DYM: variants seen among roughly 807,000 people sequenced by gnomAD.
The protein encoded by DYM is dyggve-Melchior-Clausen syndrome protein.
A neutral mutation model predicts 93.1 loss-of-function variants in DYM; 78 were observed. The ratio of observed to expected loss-of-function variants is 0.84; its 90% CI spans 0.70 to 1.01. The LOEUF (loss-of-function observed/expected upper bound fraction) is 1.01, where lower values mean the gene tolerates loss of function less well. Ranked by LOEUF, DYM falls within the 50% of genes least tolerant of loss-of-function variation. DYM has a pLI of 0.00. For synonymous variants in DYM, 321 were observed against 319.7 expected (o/e 1.00, Z -0.04); for missense variants, 789 against 845.0 (o/e 0.93, Z 0.82).
At chr18:49,218,846 C>T (rs1264464257) in intron 13 of DYM, among the ~76,000 whole-genome samples, 1 of 152,076 alleles carries the variant, frequency 6.6e-6, no homozygotes, top group African/African-American at 2.4e-5. Context: ...ATTAAAAGAA[C>T]TAGAGAAGCA....
intron 11 of DYM, among the ~76,000 whole-genome samples, chr18:49,263,374 C>G (rs941363779): frequency 1.3e-5 from 2 of 151,424 alleles, no homozygotes; most frequent in Non-Finnish European, 2.9e-5. Context: ...CCACCTCAGC[C>G]TCCCAAAGTG....
In DYM at chr18:49,211,722, C is replaced by T. The variant is rs894319159; in HGVS notation, c.1461-2007G>A. ...GAATGATGTACACACAATCTCTACC[C>T]TTAGGGAGCTTACAACCTAGAGCAG... On this transcript the variant is annotated intron_variant, in intron 13 of 17. Coordinates refer to ENST00000675505, the MANE Select transcript of DYM (RefSeq NM_001353214.3). 3.3e-5 allele frequency among the ~76,000 whole-genome samples: 5 copies of T among 152,250 alleles called. No individual in the cohort carries two copies. In the East Asian group the frequency reaches 9.6e-4, roughly 29 times the overall value.
intron 17 of DYM, among the ~76,000 whole-genome samples, chr18:49,067,073 G>A (rs547166407): frequency 6.6e-6 from 1 of 151,744 alleles, no homozygotes; most frequent in South Asian, 2.1e-4. Flanking sequence ...AATAAATGGT[G>A]TAGATAATGA....
intron 2 of DYM, among the ~76,000 whole-genome samples, chr18:49,421,466 G>A (rs1765693566): frequency 6.6e-6 from 1 of 152,076 alleles, no homozygotes; most frequent in South Asian, 2.1e-4. Flanking sequence ...CTAACAAACA[G>A]AAAGGACATC....
intron 8 of DYM, among the ~76,000 whole-genome samples, chr18:49,323,054 G>A (rs2062612808): frequency 6.6e-6 from 1 of 152,154 alleles, no homozygotes; most frequent in Admixed American, 6.5e-5. Context: ...CCCATAGCTA[G>A]ATCCTCCAAA....
intron 13 of DYM, among the ~76,000 whole-genome samples, chr18:49,224,789 C>G (rs2093473043): frequency 6.6e-6 from 1 of 152,022 alleles, no homozygotes; most frequent in South Asian, 2.1e-4. Flanking sequence ...CCAGTATATG[C>G]TATTTTGTTA....
At position 49,430,499 on chromosome 18, in the gene DYM, T is replaced by C. The variant is rs552986090; in HGVS notation, c.-53-52A>G. 17 of 1,355,488 alleles carry C rather than the reference T, an allele frequency of 1.3e-5. No individual in the cohort carries two copies. In the African/African-American group the frequency reaches 2.3e-4, roughly 19 times the overall value. The allele number at this position is 1,355,488 out of a possible 1,614,324, so 84.0% of individuals were successfully genotyped here. A position where few individuals can be genotyped will look rare whatever the true frequency, so the allele number is the denominator to read the frequency against. On this transcript the variant is annotated intron_variant, in intron 1 of 17. Transcript: ENST00000675505. ...AAACTTGTTCAAAAGTCATCATGCTTTGTCTACCTATAAAAAAACTATAAA... is the reference window on the plus strand; with the variant it reads ...AAACTTGTTCAAAAGTCATCATGCTCTGTCTACCTATAAAAAAACTATAAA...
chr18:49,398,155 T>C (rs2070347030), intron 2 of DYM, among the ~76,000 whole-genome samples: 1 of 152,234 alleles, frequency 6.6e-6, no homozygotes, highest in African/African-American at 2.4e-5. Flanking sequence ...GGACTGACTT[T>C]TTTTAACAAA....
chr18:49,176,483 T>C (rs1271037840), intron 14 of DYM, among the ~76,000 whole-genome samples: 1 of 151,536 alleles, frequency 6.6e-6, no homozygotes, highest in Admixed American at 6.6e-5. Flanking sequence ...CAATCATAGC[T>C]CATGACAGCC....
chr18:49,160,612 A>G (rs1405422880), intron 15 of DYM, among the ~76,000 whole-genome samples: 2 of 149,878 alleles, frequency 1.3e-5, no homozygotes, highest in African/African-American at 4.9e-5. Context: ...CTAGGAATCC[A>G]CTGCTGCATT....
At chr18:49,265,924 A>G (rs2094562857) in intron 11 of DYM, among the ~76,000 whole-genome samples, 2 of 152,180 alleles carry the variant, frequency 1.3e-5, no homozygotes, top group Admixed American at 1.3e-4. Context: ...AACACATCCA[A>G]TGAAACCAGT....
intron 15 of DYM, among the ~76,000 whole-genome samples, chr18:49,127,903 A>G (rs941417407): frequency 6.6e-6 from 1 of 152,154 alleles, no homozygotes; most frequent in Admixed American, 6.5e-5. Context: ...GGAGGCGGTG[A>G]GCAGACAGCA....
At chr18:49,282,528 G>A (rs1288025874) in intron 9 of DYM, among the ~76,000 whole-genome samples, 1 of 152,166 alleles carries the variant, frequency 6.6e-6, no homozygotes, top group African/African-American at 2.4e-5. Context: ...CAGGAGAATC[G>A]CTTGAACCTG....
At chr18:49,386,549 G>A (rs1283609375) in intron 3 of DYM, among the ~76,000 whole-genome samples, 1 of 152,092 alleles carries the variant, frequency 6.6e-6, no homozygotes, top group Admixed American at 6.5e-5. Context: ...ATTGAGGAAC[G>A]TTTTGGAAAA....
chr18:49,288,888 T>C (rs532077058), intron 8 of DYM, among the ~76,000 whole-genome samples: 2 of 152,310 alleles, frequency 1.3e-5, no homozygotes, highest in African/African-American at 4.8e-5. Context: ...TTATGTGATA[T>C]TTTGTAATAC....
chr18:49,120,398 G>A (rs768837029), intron 15 of DYM, among the ~76,000 whole-genome samples: 18 of 152,200 alleles, frequency 1.2e-4, no homozygotes, highest in East Asian at 3.9e-4. Flanking sequence ...CTACACAAAC[G>A]TAAGTCAAAA....
intron 6 of DYM, among the ~76,000 whole-genome samples, chr18:49,347,462 T>G (rs1037402119): frequency 6.6e-6 from 1 of 152,054 alleles, no homozygotes; most frequent in Admixed American, 6.5e-5. Flanking sequence ...AAAAACGAAG[T>G]TACCCTAATC....
chr18:49,181,806 A>G (rs1426066814), intron 14 of DYM, among the ~76,000 whole-genome samples: 3 of 152,134 alleles, frequency 2.0e-5, no homozygotes, highest in Admixed American at 6.6e-5. Context: ...TTTGTTTTCT[A>G]TATCAGTGAT....
chr18:49,144,492 C>T (rs1319535704), intron 15 of DYM, among the ~76,000 whole-genome samples: 4 of 152,072 alleles, frequency 2.6e-5, no homozygotes, highest in African/African-American at 9.7e-5. Flanking sequence ...ATGAATATTT[C>T]TCTAAAGTGG....
Sources: gnomAD v4.1 joint callset for allele counts (sites outside exome capture counted in the v4.1 genomes callset) on GRCh38, gnomAD v4.1.1 for gene constraint, MANE v1.5 for transcripts, NCBI Gene and HGNC (gene_info 2026-07-23, HGNC 2026-07-21) for gene names.